The following TRMT11 variants were observed in gnomAD, a reference collection of about 807,000 sequenced individuals.
TRMT11 encodes tRNA (guanine(10)-N(2))-methyltransferase TRMT11.
Under a neutral mutation model 62.8 loss-of-function variants are expected in TRMT11, and 53 were observed. The observed-to-expected ratio is 0.84, with a 90% CI of 0.68 to 1.06. TRMT11 has a LOEUF of 1.06. Among genes scored for constraint, TRMT11 ranks in the 50% least tolerant of loss-of-function variants. The pLI, the probability that TRMT11 is intolerant of heterozygous loss-of-function variation, is 0.00. For missense variants in TRMT11, 556 were observed against 553.4 expected, an observed-to-expected ratio of 1.00 and a Z score of -0.05; for synonymous variants, 188 against 190.3, an observed-to-expected ratio of 0.99 and a Z score of 0.10.
chr6:125,995,899 T>G (rs1174239190), intron 2 of TRMT11, 68 bp from the exon 3 acceptor site: 11 of 931,982 alleles, frequency 1.2e-5, no homozygotes, highest in Non-Finnish European at 1.9e-5. Context: ...CTTATTGACT[T>G]CTTGAATAAA....
chr6:126,024,439 A>G (rs760969785), intron 12 of TRMT11, among the ~76,000 whole-genome samples: 6 of 152,032 alleles, frequency 3.9e-5, no homozygotes, highest in Non-Finnish European at 8.8e-5. Context: ...ACAGTGTCTC[A>G]CTCTATCACC....
Position 126,008,432 on chromosome 6 carries a change from G to C in TRMT11, c.720G>C (p.Val240=), listed in dbSNP as rs1387389462. Residue 240 remains valine (V), a synonymous_variant, in exon 8 of 13, where the codon GTG becomes GTC. Coordinates refer to ENST00000334379, the MANE Select transcript of TRMT11 (RefSeq NM_001031712.3). ...CATGTGCTCATTTTGGTGCATATGTGTATGGGACAGACATAGACTACAACA... is the reference window on the plus strand; with the variant it reads ...CATGTGCTCATTTTGGTGCATATGTCTATGGGACAGACATAGACTACAACA... ...LIACAHFGAY[V]YGTDIDYNTV... is the part of the protein sequence containing the mutation. 5 of 1,613,152 alleles carry C rather than the reference G, an allele frequency of 3.1e-6. No homozygotes were observed. The highest frequency in any genetic ancestry group is 4.2e-6 in the Non-Finnish European group (5 of 1,179,258).
At chr6:126,069,446 G>T (rs376000633) in intron 17 of TRMT11, among the ~76,000 whole-genome samples, 4 of 151,946 alleles carry the variant, frequency 2.6e-5, no homozygotes, top group African/African-American at 9.7e-5. Flanking sequence ...TTTCTATCTC[G>T]TTTTCTTTTC....
intron 1 of TRMT11, among the ~76,000 whole-genome samples, chr6:126,197,638 G>A (rs2128250901): frequency 6.6e-6 from 1 of 152,172 alleles, no homozygotes; most frequent in African/African-American, 2.4e-5. Context: ...TTATATATCT[G>A]CATTGTACAA....
chr6:126,256,838 T>C, the TRMT11 span, among the ~76,000 whole-genome samples: 9 of 152,132 alleles, frequency 5.9e-5, no homozygotes, highest in Non-Finnish European at 1.0e-4. Flanking sequence ...CTATTGCCGA[T>C]AAAAGGTAGC....
At chr6:126,060,198 T>A (rs2128125022) in intron 17 of TRMT11, among the ~76,000 whole-genome samples, 1 of 152,308 alleles carries the variant, frequency 6.6e-6, no homozygotes, top group South Asian at 2.1e-4. Flanking sequence ...TATTCTTCCT[T>A]TCTTCATGCG....
At position 126,029,979 on chromosome 6, in the gene TRMT11, T is replaced by G. The variant is rs113922943; in HGVS notation, c.1260+8699T>G. Among the ~76,000 whole-genome samples, 205 of 152,308 alleles carry G rather than the reference T, an allele frequency of 1.3e-3. 2 individuals are homozygous for G. Among genetic ancestry groups the G allele is most frequent in the African/African-American group, 4.7e-3 (197 of 41,580 alleles). ...TTTTGAGCACTCTAGATATGAAGATTTTAATACGTATTAAAATACTTTCAT... is the reference window on the plus strand; with the variant it reads ...TTTTGAGCACTCTAGATATGAAGATGTTAATACGTATTAAAATACTTTCAT... On this transcript the variant is annotated intron_variant, in intron 12 of 12. Transcript: ENST00000334379.
Position 126,013,099 on chromosome 6 carries a change from A to G in TRMT11, c.1137A>G (p.Pro379=), listed in dbSNP as rs762038794. 2 of 1,607,216 alleles carry G rather than the reference A, an allele frequency of 1.2e-6. No homozygotes were observed. The highest frequency in any genetic ancestry group is 1.7e-6 in the Non-Finnish European group (2 of 1,177,950). Residue 379 remains proline (P), a splice_region_variant and synonymous_variant, in exon 11 of 13, where the codon CCA becomes CCG. Coordinates refer to ENST00000334379, the MANE Select transcript of TRMT11 (RefSeq NM_001031712.3). ...RLVYWLPVYT[P]EYTEEMVPWH... ...TCTATTGGTTACCGGTGTATACGCC[A>G]GAGTATGTAATCTTAATTTTATTTT...
intron 21 of TRMT11, among the ~76,000 whole-genome samples, chr6:126,129,998 A>C (rs1777762860): frequency 6.6e-6 from 1 of 152,112 alleles, no homozygotes; most frequent in Non-Finnish European, 1.5e-5. Context: ...CACCTGGTGC[A>C]TAGAGATGGA....
intron 21 of TRMT11, among the ~76,000 whole-genome samples, chr6:126,145,794 G>A (rs182224986): frequency 6.6e-6 from 1 of 152,110 alleles, no homozygotes; most frequent in East Asian, 1.9e-4. Context: ...CTCCCATTCA[G>A]CTGAGCTAAA....
At chr6:126,158,587 A>G (rs1778148794) in intron 21 of TRMT11, among the ~76,000 whole-genome samples, 1 of 152,170 alleles carries the variant, frequency 6.6e-6, no homozygotes, top group African/African-American at 2.4e-5. Flanking sequence ...TGGTATATGA[A>G]AGATTCAAAA....
intron 17 of TRMT11, among the ~76,000 whole-genome samples, chr6:126,088,670 C>T (rs1777240432): frequency 6.6e-6 from 1 of 152,128 alleles, no homozygotes; most frequent in Non-Finnish European, 1.5e-5. Flanking sequence ...TCCAAATGTC[C>T]ACTTTGTGTG....
chr6:126,203,919 T>TTGTGTGTG (rs71680476), downstream of TRMT11, among the ~76,000 whole-genome samples: 1,321 of 144,484 alleles, frequency 9.1e-3, 13 homozygotes, highest in Middle Eastern at 0.017. Context: ...GATCATCATT[T>TTGTGTGTG]TGTGTGTGTG....
At chr6:126,165,889 T>C (rs2128232023) in intron 21 of TRMT11, among the ~76,000 whole-genome samples, 1 of 152,316 alleles carries the variant, frequency 6.6e-6, no homozygotes, top group East Asian at 1.9e-4. Context: ...TCCAAGTTGG[T>C]TCCTTTCTCC....
chr6:126,196,576 G>C (rs1379043480), intron 1 of TRMT11, among the ~76,000 whole-genome samples: 1 of 151,544 alleles, frequency 6.6e-6, no homozygotes, highest in Non-Finnish European at 1.5e-5. Context: ...TTGATTACTT[G>C]GAGTTTTATG....
At chr6:126,006,615 C>G (rs1793395353) in intron 7 of TRMT11, among the ~76,000 whole-genome samples, 1 of 151,136 alleles carries the variant, frequency 6.6e-6, no homozygotes, top group Non-Finnish European at 1.5e-5. Flanking sequence ...TTTTAGCACC[C>G]CTTCTTCCAC....
Position 126,038,794 on chromosome 6 carries a change from A to T in TRMT11, c.1350A>T (p.Val450=). The T allele has an allele frequency of 6.2e-7, 1 of 1,604,268 alleles. No homozygotes were observed. The highest frequency in any genetic ancestry group is 8.5e-7 in the Non-Finnish European group (1 of 1,176,186). ...TCCGTGAGAAATATTTTAGTGGGGT[A>T]ACAAAAAGAATTGCCAAGGAAGAAA... The part of the protein sequence containing the change: ...NSFREKYFSG[V]TKRIAKEEKS... The change falls in exon 13 of 13, where the codon GTA becomes GTT. Residue 450 remains valine, a synonymous_variant. Coordinates refer to ENST00000334379, the MANE Select transcript of TRMT11 (RefSeq NM_001031712.3).
chr6:126,128,081 G>A (rs1447644385), intron 21 of TRMT11, among the ~76,000 whole-genome samples: 2 of 151,992 alleles, frequency 1.3e-5, no homozygotes, highest in South Asian at 2.1e-4. Context: ...TTAATATGTG[G>A]ATATGATCTG....
upstream of TRMT11, among the ~76,000 whole-genome samples, chr6:126,172,961 G>T (rs1051103031): frequency 6.6e-6 from 1 of 152,126 alleles, no homozygotes; most frequent in Non-Finnish European, 1.5e-5. Flanking sequence ...GAGGTGAACC[G>T]GGGTGTAAGA....
Sources: allele counts gnomAD v4.1 joint callset (sites outside exome capture counted in the v4.1 genomes callset), GRCh38; gene constraint gnomAD v4.1.1; transcripts MANE v1.5; gene names NCBI Gene and HGNC (gene_info 2026-07-23, HGNC 2026-07-21).